FBXO28: variants seen among roughly 807,000 people sequenced by gnomAD.
The protein encoded by FBXO28 is F-box only protein 28.
FBXO28 carries 8 observed loss-of-function variants against 38.1 expected under a neutral mutation model. The observed-to-expected ratio is 0.21, with a 90% CI of 0.12 to 0.38. The LOEUF (loss-of-function observed/expected upper bound fraction) is 0.38, where lower values mean the gene tolerates loss of function less well. Ranked by LOEUF, FBXO28 falls within the 10% of genes least tolerant of loss-of-function variation. The pLI is 1.00. For synonymous variants in FBXO28, 168 were observed against 173.8 expected (o/e 0.97, Z 0.26); for missense variants, 345 against 460.6 (o/e 0.75, Z 2.30).
chr1:224,147,582 G>C (rs958162249), intron 3 of FBXO28, among the ~76,000 whole-genome samples: 1 of 151,652 alleles, frequency 6.6e-6, no homozygotes, highest in Non-Finnish European at 1.5e-5. Flanking sequence ...CAAATACTAT[G>C]CCATTTTATA....
chr1:224,138,731 AT>A (rs1558192211), intron 3 of FBXO28, among the ~76,000 whole-genome samples: 9 of 151,180 alleles, frequency 6.0e-5, no homozygotes, highest in Non-Finnish European at 1.3e-4. Flanking sequence ...CTTCTTTTTT[AT>A]TTTTTTGTTT....
At chr1:224,145,699 G>A (rs1348759919) in intron 3 of FBXO28, among the ~76,000 whole-genome samples, 1 of 152,114 alleles carries the variant, frequency 6.6e-6, no homozygotes, top group Non-Finnish European at 1.5e-5. Flanking sequence ...GATGCGGGCA[G>A]ATCACCTGAG....
At chr1:224,119,139 T>TC (rs1656714548) in intron 1 of FBXO28, among the ~76,000 whole-genome samples, 3 of 138,322 alleles carry the variant, frequency 2.2e-5, no homozygotes, top group South Asian at 2.4e-4. Context: ...TTTTTTCTTT[T>TC]TTTTTTTTTT....
At chr1:224,129,024 A>G (rs1024600643) in intron 1 of FBXO28, among the ~76,000 whole-genome samples, 10 of 151,256 alleles carry the variant, frequency 6.6e-5, no homozygotes, top group African/African-American at 2.4e-4. Flanking sequence ...GATTCAAAGT[A>G]GTTGATGTTC....
chr1:224,153,970 C>T (rs1479019926), intron 4 of FBXO28, among the ~76,000 whole-genome samples: 6 of 151,712 alleles, frequency 4.0e-5, no homozygotes, highest in East Asian at 1.9e-4. Context: ...CAGTGGCCCA[C>T]GCCTGTGGTC....
chr1:224,118,850 C>T (rs955752319), intron 1 of FBXO28, among the ~76,000 whole-genome samples: 1 of 152,130 alleles, frequency 6.6e-6, no homozygotes, highest in Admixed American at 6.6e-5. Flanking sequence ...TTGGAAAATT[C>T]TAGAAAACAC....
intron 1 of FBXO28, among the ~76,000 whole-genome samples, chr1:224,114,734 A>C (rs1465017227): frequency 1.3e-5 from 2 of 150,544 alleles, no homozygotes; most frequent in Non-Finnish European, 3.0e-5. Context: ...CGGAGAGGTC[A>C]TGTCGCCTGC....
chr1:224,155,701 C>T (rs553112079), intron 4 of FBXO28, among the ~76,000 whole-genome samples: 5 of 152,204 alleles, frequency 3.3e-5, no homozygotes, highest in East Asian at 1.9e-4. Flanking sequence ...GTGAGGCAAC[C>T]GAGTGGCTTT....
At chr1:224,144,084 A>G (rs1490247901) in intron 3 of FBXO28, among the ~76,000 whole-genome samples, 2 of 149,460 alleles carry the variant, frequency 1.3e-5, no homozygotes, top group African/African-American at 2.5e-5. Context: ...CCAGAGAGAG[A>G]TGGAGGTTGC....
chr1:224,117,955 T>TA (rs1235903714), intron 1 of FBXO28, among the ~76,000 whole-genome samples: 29 of 152,090 alleles, frequency 1.9e-4, no homozygotes, highest in African/African-American at 7.0e-4. Context: ...ATTATATTCT[T>TA]ACCTACTGAA....
chr1:224,145,293 CAAAAAAAAAAAAA>C (rs3035404), intron 3 of FBXO28, among the ~76,000 whole-genome samples: 1 of 73,566 alleles, frequency 1.4e-5, no homozygotes, highest in African/African-American at 5.8e-5. Flanking sequence ...GACTACATCT[CAAAAAAAAAAAAA>C]AAAAAAAAGG....
intron 3 of FBXO28, among the ~76,000 whole-genome samples, chr1:224,148,895 C>T (rs939572904): frequency 6.6e-6 from 1 of 152,150 alleles, no homozygotes; most frequent in Non-Finnish European, 1.5e-5. Flanking sequence ...CCAGTTCTCT[C>T]AACTGGATCT....
intron 3 of FBXO28, among the ~76,000 whole-genome samples, chr1:224,142,860 C>T (rs1173442355): frequency 3.3e-5 from 5 of 152,002 alleles, no homozygotes; most frequent in African/African-American, 9.7e-5. Flanking sequence ...GCACGAGAAT[C>T]GCTTCAACCC....
In FBXO28 at chr1:224,157,738, AG is replaced by A; in HGVS notation, c.1100del (p.Arg367LysfsTer19). ...SLRKSKRLRNRK is the reference protein window; with the variant it reads ...SLRKSKRLRNXK Reference sequence around the variant, plus strand: ...TAGGAAATCTAAACGTCTTCGGAATAGAAAGTAAATTGGAATGTGGTTCTAG... The same window carrying A: ...TAGGAAATCTAAACGTCTTCGGAATAAAAGTAAATTGGAATGTGGTTCTAG... On this transcript the variant is annotated frameshift_variant, in exon 5 of 5. Transcript: ENST00000366862. LOFTEE classifies it high-confidence loss of function. The A allele has an allele frequency of 6.3e-7, 1 of 1,598,008 alleles. No individual in the cohort carries two copies. Among genetic ancestry groups the A allele is most frequent in the Non-Finnish European group, 8.5e-7 (1 of 1,173,914 alleles).
Position 224,157,938 on chromosome 1 carries a change from T to G in FBXO28, c.*192T>G. ...GATTGAACTGATGCACAGAATCTTT[T>G]TACTTTGCAATAGATTTGTACTAAC... On this transcript the variant is annotated 3_prime_UTR_variant, in exon 5 of 5. Coordinates refer to ENST00000366862, the MANE Select transcript of FBXO28 (RefSeq NM_015176.4). 7.1e-7 allele frequency: 1 copy of G among 1,401,920 alleles called. No homozygotes were observed. Among genetic ancestry groups the G allele is most frequent in the Non-Finnish European group, 9.2e-7 (1 of 1,084,686 alleles). 86.8% of individuals were successfully genotyped at this position (1,401,920 alleles called of 1,614,324 possible). A position where few individuals can be genotyped will look rare whatever the true frequency, so the allele number is the denominator to read the frequency against.
chr1:224,146,702 ATTT>A (rs5781350), intron 3 of FBXO28, among the ~76,000 whole-genome samples: 2 of 110,318 alleles, frequency 1.8e-5, no homozygotes, highest in Non-Finnish European at 1.8e-5. Flanking sequence ...TAAAACTAAA[ATTT>A]TTTTTTTTTT....
At chr1:224,147,726 T>C (rs1657543038) in intron 3 of FBXO28, among the ~76,000 whole-genome samples, 1 of 151,040 alleles carries the variant, frequency 6.6e-6, no homozygotes, top group Non-Finnish European at 1.5e-5. Flanking sequence ...TTGAAAGGTG[T>C]AGAAACAGCC....
Position 224,114,208 on chromosome 1 carries a change from G to A in FBXO28, c.79G>A (p.Gly27Ser), listed in dbSNP as rs1340363120. 6.5e-7 allele frequency: 1 copy of A among 1,549,394 alleles called. No individual in the cohort carries two copies. Among genetic ancestry groups the A allele is most frequent in the South Asian group, 1.2e-5 (1 of 84,040 alleles). ...QGDGGSSLAS[G>S]STQRQPPPPA... ...CGACGGCGGTTCCTCTTTGGCCTCC[G>A]GCTCTACCCAGCGACAGCCTCCACC... Residue 27 changes from glycine (G) to serine (S), a missense_variant, in exon 1 of 5, where the codon GGC becomes AGC. Physicochemically the swap from Gly to Ser is moderately conservative, Grantham distance 56 (BLOSUM62 0). Around this residue, in one of 6 missense-constraint regions of FBXO28, gnomAD observed 104 missense variants for 82.0 expected, o/e 1.27. Coordinates refer to ENST00000366862, the MANE Select transcript of FBXO28 (RefSeq NM_015176.4).
chr1:224,156,765 C>T (rs906750298), intron 4 of FBXO28, among the ~76,000 whole-genome samples: 3 of 151,918 alleles, frequency 2.0e-5, no homozygotes, highest in East Asian at 1.9e-4. Flanking sequence ...TTCGGGAGGC[C>T]GAGGCAGGCA....
Sources: gnomAD v4.1 joint callset for allele counts (sites outside exome capture counted in the v4.1 genomes callset) on GRCh38, gnomAD v4.1.1 for gene constraint, gnomAD v4.1.1 regional missense constraint, MANE v1.5 for transcripts, NCBI Gene and HGNC (gene_info 2026-07-23, HGNC 2026-07-21) for gene names.